The following TMEM106B variants were observed in gnomAD, a reference collection of about 807,000 sequenced individuals.
TMEM106B encodes transmembrane protein 106B.
TMEM106B carries 15 observed loss-of-function variants against 31.1 expected under a neutral mutation model. That is an observed-to-expected ratio of 0.48 (90% confidence interval 0.32 to 0.74). The LOEUF (loss-of-function observed/expected upper bound fraction) is 0.74, where lower values mean the gene tolerates loss of function less well. Among genes scored for constraint, TMEM106B ranks in the 30% least tolerant of loss-of-function variants. TMEM106B has a pLI of 0.03. For missense variants in TMEM106B, 283 were observed against 327.3 expected, an observed-to-expected ratio of 0.86 and a Z score of 1.04; for synonymous variants, 126 against 112.5, an observed-to-expected ratio of 1.12 and a Z score of -0.76.
chr7:12,211,925 T>G (rs1418533117), intron 1 of TMEM106B, among the ~76,000 whole-genome samples: 1 of 152,198 alleles, frequency 6.6e-6, no homozygotes, highest in Non-Finnish European at 1.5e-5. Context: ...CATGTTGACT[T>G]TCAGTAAACT....
intron 4 of TMEM106B, among the ~76,000 whole-genome samples, 181 bp downstream of exon 4, chr7:12,224,566 A>G (rs1781861495): frequency 6.6e-6 from 1 of 152,278 alleles, no homozygotes; most frequent in Admixed American, 6.5e-5. Flanking sequence ...AGCAATAATA[A>G]ATACTGGCAA....
Position 12,233,811 on chromosome 7 carries a change from TA to T in TMEM106B, c.*1837del, listed in dbSNP as rs376117889. On this transcript the variant is annotated 3_prime_UTR_variant, in exon 8 of 8. Transcript: ENST00000396668. ...TCATTTGACATGATCTATGTCTATA[TA>T]TGATATAGGTCCCCTTTTGTCTCAA... The T allele has an allele frequency of 2.0e-4, 30 of 151,832 alleles. No individual in the cohort carries two copies. The highest frequency in any genetic ancestry group is 7.2e-4 in the African/African-American group (30 of 41,536). 9.4% of individuals were successfully genotyped at this position (151,832 alleles called of 1,614,324 possible).
chr7:12,216,739 G>C (rs955943390), intron 2 of TMEM106B, among the ~76,000 whole-genome samples: 4 of 152,170 alleles, frequency 2.6e-5, no homozygotes, highest in African/African-American at 9.7e-5. Context: ...TATCATGGAA[G>C]ATAAGTGAAG....
chr7:12,236,464 G>A lies in TMEM106B; in HGVS notation c.*4489G>A, dbSNP rs1380209321. 6.6e-6 allele frequency: 1 copy of A among 151,836 alleles called. No individual in the cohort carries two copies. Among genetic ancestry groups the A allele is most frequent in the Non-Finnish European group, 1.5e-5 (1 of 67,876 alleles). 9.4% of individuals were successfully genotyped at this position (151,836 alleles called of 1,614,324 possible). A position where few individuals can be genotyped will look rare whatever the true frequency, so the allele number is the denominator to read the frequency against. ...CAGATTTTTCATAACTAAGTCTTAA[G>A]TCTTCTAAAAGGAAGCTGTTACCCT... On this transcript the variant is annotated 3_prime_UTR_variant, in exon 8 of 8. Transcript: ENST00000396668.
rs867519308 is a variant in TMEM106B, at chr7:12,224,149, T to C, written c.282-77T>C. ...TGTTGCTGCTGATATATGGGGGAAATTGAACATACCTTCTCTAATGTTGTG... is the reference window on the plus strand; with the variant it reads ...TGTTGCTGCTGATATATGGGGGAAACTGAACATACCTTCTCTAATGTTGTG... On this transcript the variant is annotated intron_variant, in intron 3 of 7. Coordinates refer to ENST00000396668, the MANE Select transcript of TMEM106B (RefSeq NM_001134232.2). 16 of 1,370,238 alleles carry C rather than the reference T, an allele frequency of 1.2e-5. No homozygotes were observed. The Middle Eastern group carries it at 7.4e-4, about 63-fold the overall frequency. 84.9% of individuals were successfully genotyped at this position (1,370,238 alleles called of 1,614,324 possible). A position where few individuals can be genotyped will look rare whatever the true frequency, so the allele number is the denominator to read the frequency against.
intron 4 of TMEM106B, among the ~76,000 whole-genome samples, chr7:12,227,425 A>G (rs1204109319): frequency 6.6e-6 from 1 of 152,094 alleles, no homozygotes; most frequent in Non-Finnish European, 1.5e-5. Flanking sequence ...CGAACAATGC[A>G]TATACATTTA....
rs1158060074 is a variant in TMEM106B, at chr7:12,239,718, TAGG to T, written c.*7746_*7748del. 1.3e-5 allele frequency: 2 copies of T among 152,148 alleles called. No individual in the cohort carries two copies. The highest frequency in any genetic ancestry group is 1.3e-4 in the Admixed American group (2 of 15,254). 9.4% of individuals were successfully genotyped at this position (152,148 alleles called of 1,614,324 possible). A position where few individuals can be genotyped will look rare whatever the true frequency, so the allele number is the denominator to read the frequency against. ...AGAGAGGGATGTGGGAACAGCTGGT[TAGG>T]AGAGCAGTCCGAACACACACTTTTT... On this transcript the variant is annotated 3_prime_UTR_variant, in exon 8 of 8. Transcript: ENST00000396668.
chr7:12,230,235 AAG>A lies in TMEM106B; in HGVS notation c.583-152_583-151del, dbSNP rs1327823228. 4.4e-6 allele frequency: 3 copies of A among 688,452 alleles called. No homozygotes were observed. In the African/African-American group the frequency reaches 5.5e-5, roughly 13 times the overall value. 42.6% of individuals were successfully genotyped at this position (688,452 alleles called of 1,614,324 possible). On this transcript the variant is annotated intron_variant, in intron 5 of 7. Coordinates refer to ENST00000396668, the MANE Select transcript of TMEM106B (RefSeq NM_001134232.2). ...TGTCTCAAAAAAGAAAAAAAAGAAA[AAG>A]AAATGTGTCTTATACACATACAAGA... is the stretch of plus-strand genomic sequence containing the variant.
At chr7:12,231,740 C>A in intron 7 of TMEM106B, 97 bp from the exon 8 acceptor site, 1 of 971,586 alleles carries the variant, frequency 1.0e-6, no homozygotes, top group Non-Finnish European at 1.5e-6. Context: ...CAAATATTCT[C>A]TTCTGGGAGA....
At chr7:12,221,875 A>G (rs535637893) in intron 3 of TMEM106B, among the ~76,000 whole-genome samples, 1 of 152,320 alleles carries the variant, frequency 6.6e-6, no homozygotes, top group East Asian at 1.9e-4. Context: ...TGTGAGGAAC[A>G]TACCTGAGGC....
rs962596700 is a variant in TMEM106B, at chr7:12,237,852, C to T, written c.*5877C>T. 1 of 150,794 alleles carries T rather than the reference C, an allele frequency of 6.6e-6. No homozygotes were observed. The allele number at this position is 150,794 out of a possible 1,614,324, so 9.3% of individuals were successfully genotyped here. A position where few individuals can be genotyped will look rare whatever the true frequency, so the allele number is the denominator to read the frequency against. On this transcript the variant is annotated 3_prime_UTR_variant, in exon 8 of 8. Coordinates refer to ENST00000396668, the MANE Select transcript of TMEM106B (RefSeq NM_001134232.2). ...ACACACACACACACACACACACACA[C>T]ACACTATTGCTAAAAAATGTTAACG...
Position 12,235,188 on chromosome 7 carries a change from G to C in TMEM106B, c.*3213G>C, listed in dbSNP as rs1310252341. On this transcript the variant is annotated 3_prime_UTR_variant, in exon 8 of 8. Transcript: ENST00000396668. ...AACATAATCTTTAGCTTAATTTTCT[G>C]TTAAAATTTAGTACCCCTTCATCAT... 1 of 152,182 alleles carries C rather than the reference G, an allele frequency of 6.6e-6. No homozygotes were observed. Among genetic ancestry groups the C allele is most frequent in the African/African-American group, 2.4e-5 (1 of 41,366 alleles). 9.4% of individuals were successfully genotyped at this position (152,182 alleles called of 1,614,324 possible).
chr7:12,239,023 T>C lies in TMEM106B; in HGVS notation c.*7048T>C, dbSNP rs1442291149. Reference sequence around the variant, plus strand: ...TGACTTCTCTTTAGCTATGAAAGTTTTAGATGGCACCTTTTTGTAAAAGAA... The same window carrying C: ...TGACTTCTCTTTAGCTATGAAAGTTCTAGATGGCACCTTTTTGTAAAAGAA... On this transcript the variant is annotated 3_prime_UTR_variant, in exon 8 of 8. Coordinates refer to ENST00000396668, the MANE Select transcript of TMEM106B (RefSeq NM_001134232.2). 6.6e-6 allele frequency: 1 copy of C among 152,178 alleles called. No individual in the cohort carries two copies. The highest frequency in any genetic ancestry group is 6.6e-5 in the Admixed American group (1 of 15,262). 9.4% of individuals were successfully genotyped at this position (152,178 alleles called of 1,614,324 possible).
At position 12,242,510 on chromosome 7, in the gene TMEM106B, T is replaced by C. The variant is rs897613116; in HGVS notation, c.*10535T>C. ...AATCTAAACAGAGACCACACTGATATCTGTAACAACCTATGTAAAGTTAAG... is the reference window on the plus strand; with the variant it reads ...AATCTAAACAGAGACCACACTGATACCTGTAACAACCTATGTAAAGTTAAG... On this transcript the variant is annotated 3_prime_UTR_variant, in exon 8 of 8. Coordinates refer to ENST00000396668, the MANE Select transcript of TMEM106B (RefSeq NM_001134232.2). 6.6e-6 allele frequency: 1 copy of C among 151,930 alleles called. No individual in the cohort carries two copies. Among genetic ancestry groups the C allele is most frequent in the South Asian group, 2.1e-4 (1 of 4,830 alleles). The allele number at this position is 151,930 out of a possible 1,614,324, so 9.4% of individuals were successfully genotyped here. A position where few individuals can be genotyped will look rare whatever the true frequency, so the allele number is the denominator to read the frequency against.
chr7:12,232,110 T>C lies in TMEM106B; in HGVS notation c.*135T>C. The C allele has an allele frequency of 1.4e-6, 1 of 710,870 alleles. No individual in the cohort carries two copies. Among genetic ancestry groups the C allele is most frequent in the Non-Finnish European group, 2.2e-6 (1 of 458,540 alleles). The allele number at this position is 710,870 out of a possible 1,614,324, so 44.0% of individuals were successfully genotyped here. On this transcript the variant is annotated 3_prime_UTR_variant, in exon 8 of 8. Coordinates refer to ENST00000396668, the MANE Select transcript of TMEM106B (RefSeq NM_001134232.2). The stretch of plus-strand genomic sequence containing the variant: ...ACACTTCTAAGAGTACAGTTAAAAG[T>C]ATGTGGACCTGCAGTTCTTGTAACT...
chr7:12,231,774 C>T, intron 7 of TMEM106B, 63 bp from the exon 8 acceptor site: 1 of 1,349,888 alleles, frequency 7.4e-7, no homozygotes, highest in Non-Finnish European at 1.0e-6. Flanking sequence ...TTAAAGTAGT[C>T]TCACTATGGA....
Position 12,232,668 on chromosome 7 carries a change from G to C in TMEM106B, c.*693G>C, listed in dbSNP as rs1782048809. ...AGTTATAGTTTTGTGAAATCTTTGT[G>C]TGATCTTCAAACATTATCATTTAAT... On this transcript the variant is annotated 3_prime_UTR_variant, in exon 8 of 8. Coordinates refer to ENST00000396668, the MANE Select transcript of TMEM106B (RefSeq NM_001134232.2). 2 of 152,180 alleles carry C rather than the reference G, an allele frequency of 1.3e-5. No individual in the cohort carries two copies. The highest frequency in any genetic ancestry group is 4.8e-5 in the African/African-American group (2 of 41,386). 9.4% of individuals were successfully genotyped at this position (152,180 alleles called of 1,614,324 possible). A position where few individuals can be genotyped will look rare whatever the true frequency, so the allele number is the denominator to read the frequency against.
chr7:12,212,969 T>C (rs963747677), intron 1 of TMEM106B, among the ~76,000 whole-genome samples: 6 of 152,194 alleles, frequency 3.9e-5, no homozygotes, highest in African/African-American at 1.4e-4. Flanking sequence ...TCAGTTTTAC[T>C]TTTTCACTTT....
intron 3 of TMEM106B, among the ~76,000 whole-genome samples, chr7:12,223,661 CAA>C (rs1206553823): frequency 6.7e-6 from 1 of 149,996 alleles, no homozygotes; most frequent in African/African-American, 2.5e-5. Flanking sequence ...CTCTGGCAGT[CAA>C]AAAAGTAAAT....
Sources: allele counts gnomAD v4.1 joint callset (sites outside exome capture counted in the v4.1 genomes callset), GRCh38; gene constraint gnomAD v4.1.1; transcripts MANE v1.5; gene names NCBI Gene and HGNC (gene_info 2026-07-23, HGNC 2026-07-21).